Variants in DHX16 observed in about 807,000 individuals in gnomAD.
DHX16 encodes pre-mRNA-splicing factor ATP-dependent RNA helicase DHX16.
Under a neutral mutation model 131.2 loss-of-function variants are expected in DHX16, and 81 were observed. That is an observed-to-expected ratio of 0.62 (90% CI 0.52 to 0.74). DHX16 has a LOEUF of 0.74. DHX16 is among the 30% of genes least tolerant of loss of function. The pLI is 0.00. For synonymous variants in DHX16, 440 were observed against 520.2 expected, an observed-to-expected ratio of 0.85 and a Z score of 2.10; for missense variants, 980 against 1,363.1, an observed-to-expected ratio of 0.72 and a Z score of 4.43.
At position 30,665,842 on chromosome 6, in the gene DHX16, A is replaced by G; in HGVS notation, c.667-109T>C. On this transcript the variant is annotated intron_variant, in intron 4 of 19. Transcript: ENST00000376442. The surrounding 1 kb of genome is among the most constrained non-coding windows in gnomAD (Gnocchi z 4.8). ...CCTGACAGGCAGGCATGAGAACCTCAGGATGCACCCTCTACCTTCCCTCTG... is the reference window on the plus strand; with the variant it reads ...CCTGACAGGCAGGCATGAGAACCTCGGGATGCACCCTCTACCTTCCCTCTG... 7.2e-7 allele frequency: 1 copy of G among 1,397,248 alleles called. No individual in the cohort carries two copies. The highest frequency in any genetic ancestry group is 9.6e-7 in the Non-Finnish European group (1 of 1,040,994). 86.6% of individuals were successfully genotyped at this position (1,397,248 alleles called of 1,614,324 possible).
rs924140883 is a variant in DHX16 at position 30,662,023 on chromosome 6, T to C, written c.1544+604A>G. On this transcript the variant is annotated intron_variant, in intron 9 of 19. Coordinates refer to ENST00000376442, the MANE Select transcript of DHX16 (RefSeq NM_003587.5). This position sits in a 1 kb window ranked among gnomAD's most constrained non-coding sequence, Gnocchi z 4.7. ...CCCCCATTACATTCATGAATCCCTT[T>C]TCCCCCTCAACACATGTTCAACCAA... 12 of 616,288 alleles carry C rather than the reference T, an allele frequency of 1.9e-5. No individual in the cohort carries two copies. The highest frequency in any genetic ancestry group is 1.5e-4 in the Admixed American group (6 of 41,002). The allele number at this position is 616,288 out of a possible 1,614,324, so 38.2% of individuals were successfully genotyped here.
intron 12 of DHX16, among the ~76,000 whole-genome samples, chr6:30,657,952 T>C (rs1389441983): frequency 3.3e-5 from 5 of 152,238 alleles, no homozygotes; most frequent in African/African-American, 1.2e-4. Flanking sequence ...GCTTCCCCGA[T>C]AGACCACAAG....
chr6:30,653,453 AAC>A, intron 19 of DHX16, 83 bp from the exon 20 acceptor site: 1 of 1,465,080 alleles, frequency 6.8e-7, no homozygotes, highest in South Asian at 1.4e-5. Context: ...CTTAAATTGA[AAC>A]AGAGTCTTGC....
rs893419864 is a variant in DHX16, at chr6:30,665,349, C to A, written c.922-75G>T. On this transcript the variant is annotated intron_variant, in intron 5 of 19. Coordinates refer to ENST00000376442, the MANE Select transcript of DHX16 (RefSeq NM_003587.5). This position sits in a 1 kb window ranked among gnomAD's most constrained non-coding sequence, Gnocchi z 4.8. ...GCCCTCTCCCCTCTTCCCATTACTA[C>A]CCCCGCCCACTGCCCATTGGGAACG... The A allele has an allele frequency of 1.3e-6, 2 of 1,587,010 alleles. No homozygotes were observed. The highest frequency in any genetic ancestry group is 1.7e-5 in the Admixed American group (1 of 59,238).
Position 30,670,330 on chromosome 6 carries a change from T to C in DHX16, c.666+80A>G. On this transcript the variant is annotated intron_variant, in intron 4 of 19. Transcript: ENST00000376442. This position sits in a 1 kb window ranked among gnomAD's most constrained non-coding sequence, Gnocchi z 4.4. ...CAGCATCCACACTGTGCTTCCTCTG[T>C]ATCCTCTCTCCCTATACACTCTATC... 2 of 1,411,536 alleles carry C rather than the reference T, an allele frequency of 1.4e-6. No homozygotes were observed. The highest frequency in any genetic ancestry group is 1.9e-6 in the Non-Finnish European group (2 of 1,033,304). 87.4% of individuals were successfully genotyped at this position (1,411,536 alleles called of 1,614,324 possible).
chr6:30,660,373 TA>T, intron 9 of DHX16, 131 bp from the exon 10 acceptor site: 1 of 733,786 alleles, frequency 1.4e-6, no homozygotes, highest in Non-Finnish European at 2.0e-6. Flanking sequence ...GAGGGGGCTC[TA>T]AGGAGAAGTC....
At position 30,664,886 on chromosome 6, in the gene DHX16, G is replaced by T; in HGVS notation, c.1232C>A (p.Ala411Asp). Residue 411 changes from alanine to aspartate, a missense_variant, in exon 7 of 20, where the codon GCT (alanine) becomes GAT (aspartate). Transcript: ENST00000376442. Reference sequence around the variant, plus strand: ...GATGAGGACTTGGTGATTTGCAATAGCAGCCAGGAGCTCCTCTCGAAATGG... The same window carrying T: ...GATGAGGACTTGGTGATTTGCAATATCAGCCAGGAGCTCCTCTCGAAATGG... The part of the protein sequence containing the change: ...VFPFREELLA[A>D]IANHQVLIIE... The T allele has an allele frequency of 6.2e-7, 1 of 1,613,296 alleles. No homozygotes were observed.
intron 7 of DHX16, among the ~76,000 whole-genome samples, chr6:30,664,448 G>A (rs1768815040): frequency 6.8e-6 from 1 of 146,922 alleles, no homozygotes; most frequent in Admixed American, 6.9e-5. Context: ...CTGCACTCCA[G>A]CCTGGGTGAC....
chr6:30,665,741 G>C lies in DHX16; in HGVS notation c.667-8C>G. ...CTTCCGCAGCTCAGGGACCTGAGTT[G>C]GGAAAGGACAGTCGAATCCTCATCT... On this transcript the variant is annotated splice_polypyrimidine_tract_variant and splice_region_variant and intron_variant, in intron 4 of 19. Transcript: ENST00000376442. The surrounding 1 kb of genome is among the most constrained non-coding windows in gnomAD (Gnocchi z 4.8). 1 of 1,606,580 alleles carries C rather than the reference G, an allele frequency of 6.2e-7. No homozygotes were observed. The highest frequency in any genetic ancestry group is 1.7e-5 in the Admixed American group (1 of 59,940).
rs1769707801 is a variant in DHX16 at position 30,672,825 on chromosome 6, C to G, written c.17G>C (p.Gly6Ala). The change falls in exon 1 of 20, where the codon GGT (glycine) becomes GCT (alanine). Residue 6 changes from glycine to alanine, a missense_variant. Coordinates refer to ENST00000376442, the MANE Select transcript of DHX16 (RefSeq NM_003587.5). ...CTCGTCCTGAACCCAGCGCTCCAGACCCGCCGGCGTCGCCATGGCGACTCA... is the reference window on the plus strand; with the variant it reads ...CTCGTCCTGAACCCAGCGCTCCAGAGCCGCCGGCGTCGCCATGGCGACTCA... MATPAGLERWVQDELH... is the reference protein window; with the variant it reads MATPAALERWVQDELH... 6.2e-7 allele frequency: 1 copy of G among 1,612,560 alleles called. No homozygotes were observed. Among genetic ancestry groups the G allele is most frequent in the South Asian group, 1.1e-5 (1 of 91,062 alleles).
At chr6:30,667,392 C>T (rs2127592378) in intron 4 of DHX16, among the ~76,000 whole-genome samples, 1 of 152,126 alleles carries the variant, frequency 6.6e-6, no homozygotes, top group Admixed American at 6.5e-5. Context: ...ACCATCCTGG[C>T]TAACATGGTG....
At chr6:30,669,354 G>A (rs1769324163) in intron 4 of DHX16, among the ~76,000 whole-genome samples, 1 of 151,704 alleles carries the variant, frequency 6.6e-6, no homozygotes, top group Non-Finnish European at 1.5e-5. Flanking sequence ...CCTCCACCAG[G>A]GAGGCACAGG....
Position 30,671,169 on chromosome 6 carries a change from C to T in DHX16, c.313G>A (p.Glu105Lys), listed in dbSNP as rs569916604. 32 of 1,613,088 alleles carry T rather than the reference C, an allele frequency of 2.0e-5. No homozygotes were observed. Among genetic ancestry groups the T allele is most frequent in the East Asian group, 6.7e-5 (3 of 44,886 alleles). ...RSYRLLEDSE[E>K]SSEETVSRAG... ...CTACTCACAGTCTCCTCACTGCTCT[C>T]TTCACTGTCTTCCAGTAACCTATAA... is the stretch of plus-strand genomic sequence containing the variant. The change falls in exon 2 of 20, where the codon GAG (glutamate) becomes AAG (lysine). Residue 105 changes from glutamate to lysine, a missense_variant. By Grantham distance (56) the Glu-to-Lys change is moderately conservative. This residue lies in a region of DHX16 where 457 missense variants were observed against 554.8 expected (regional missense o/e 0.82). Coordinates refer to ENST00000376442, the MANE Select transcript of DHX16 (RefSeq NM_003587.5).
At position 30,665,579 on chromosome 6, in the gene DHX16, C is replaced by T. The variant is rs775677381; in HGVS notation, c.821G>A (p.Arg274Gln). Residue 274 changes from arginine (R) to glutamine (Q), a missense_variant, in exon 5 of 20, where the codon CGG (arginine) becomes CAG (glutamine). Coordinates refer to ENST00000376442, the MANE Select transcript of DHX16 (RefSeq NM_003587.5). This position sits in a 1 kb window ranked among gnomAD's most constrained non-coding sequence, Gnocchi z 4.8. ...RHERQELKYK[R>Q]RVRDLAREYR... ...CTCCCGGGCGAGATCCCGCACTCGC[C>T]GCTTATATTTGAGCTCCTGCCGCTC... The T allele has an allele frequency of 1.1e-5, 18 of 1,613,028 alleles. No individual in the cohort carries two copies. The Admixed American group carries it at 2.3e-4, about 21-fold the overall frequency.
intron 7 of DHX16, among the ~76,000 whole-genome samples, chr6:30,664,413 G>A (rs1183222187): frequency 1.3e-5 from 2 of 149,344 alleles, no homozygotes; most frequent in Non-Finnish European, 3.0e-5. Flanking sequence ...GGAGTCAGAG[G>A]TTGCAGTAAG....
chr6:30,668,481 T>C (rs1769239187), intron 4 of DHX16, among the ~76,000 whole-genome samples: 1 of 151,974 alleles, frequency 6.6e-6, no homozygotes, highest in Non-Finnish European at 1.5e-5. Flanking sequence ...TGAAACCCTA[T>C]CTCTACTAAA....
At position 30,656,712 on chromosome 6, in the gene DHX16, C is replaced by G; in HGVS notation, c.2196G>C (p.Gly732=). 1 of 1,613,208 alleles carries G rather than the reference C, an allele frequency of 6.2e-7. No individual in the cohort carries two copies. Among genetic ancestry groups the G allele is most frequent in the Non-Finnish European group, 8.5e-7 (1 of 1,180,032 alleles). ...RAGRAGRVAA[G]KCFRLYTAWA... ...AGGCGGTATACAGGCGGAAGCACTT[C>G]CCTGCAGCCACCCGACCTGCCCTGC... The change falls in exon 14 of 20, where the codon GGG becomes GGC. Residue 732 remains glycine (G), a synonymous_variant. Transcript: ENST00000376442. This position sits in a 1 kb window ranked among gnomAD's most constrained non-coding sequence, Gnocchi z 5.1.
At chr6:30,668,993 T>C (rs553712507) in intron 4 of DHX16, among the ~76,000 whole-genome samples, 1 of 151,818 alleles carries the variant, frequency 6.6e-6, no homozygotes, top group Admixed American at 6.6e-5. Context: ...TAATCCCAGC[T>C]ACTCTGGAGG....
chr6:30,659,493 G>A lies in DHX16; in HGVS notation c.1986C>T (p.Pro662=). The change falls in exon 12 of 20, where the codon CCC becomes CCT. Residue 662 remains proline, a synonymous_variant. Transcript: ENST00000376442. ...TGACCTTTCGTGCCCCAGGTGGTGT[G>A]GGCTGGAAGATACGGGCCTGCATGT... ...PSDMQARIFQ[P]TPPGARKVVV... is the part of the protein sequence containing the mutation. 1 of 1,599,448 alleles carries A rather than the reference G, an allele frequency of 6.3e-7. No individual in the cohort carries two copies. The highest frequency in any genetic ancestry group is 8.5e-7 in the Non-Finnish European group (1 of 1,173,438).
Sources: gnomAD v4.1 joint callset for allele counts (sites outside exome capture counted in the v4.1 genomes callset) on GRCh38, gnomAD v4.1.1 for gene constraint, gnomAD v4.1.1 regional missense constraint, Gnocchi (gnomAD v3.1) non-coding constraint, MANE v1.5 for transcripts, NCBI Gene and HGNC (gene_info 2026-07-23, HGNC 2026-07-21) for gene names.